Variants in ITPR3 observed in about 807,000 individuals in gnomAD.
The protein encoded by ITPR3 is inositol 1,4,5-trisphosphate receptor type 3.
A neutral mutation model predicts 293.2 loss-of-function variants in ITPR3; 173 were observed. That is an observed-to-expected ratio of 0.59 (90% CI 0.52 to 0.67). ITPR3 has a LOEUF of 0.67. Among genes scored for constraint, ITPR3 ranks in the 30% least tolerant of loss-of-function variants. The pLI is 0.00. For missense variants in ITPR3, 2,796 were observed against 3,592.1 expected (o/e 0.78, Z 5.66); for synonymous variants, 1,295 against 1,444.4 (o/e 0.90, Z 2.35).
rs757016087 is a variant in ITPR3 at position 33,695,788 on chromosome 6, C to T, written c.*8C>T. The T allele has an allele frequency of 1.3e-5, 21 of 1,613,742 alleles. No individual in the cohort carries two copies. The highest frequency in any genetic ancestry group is 1.8e-5 in the Non-Finnish European group (21 of 1,179,834). On this transcript the variant is annotated 3_prime_UTR_variant, in exon 58 of 58. Coordinates refer to ENST00000605930, the MANE Select transcript of ITPR3 (RefSeq NM_002224.4). Reference sequence around the variant, plus strand: ...AACTGCATTAGCCGCTGAGGAGAGCCACCGAAGGCCCCAACAGGGGATGCT... The same window carrying T: ...AACTGCATTAGCCGCTGAGGAGAGCTACCGAAGGCCCCAACAGGGGATGCT...
At position 33,696,194 on chromosome 6, in the gene ITPR3, C is replaced by T. The variant is rs945930498; in HGVS notation, c.*414C>T. ...GGGGGAGGTGGCAGTTATGCTGTTA[C>T]TAGTGATTTTAGGGCTTTGTTATTT... On this transcript the variant is annotated 3_prime_UTR_variant, in exon 58 of 58. Transcript: ENST00000605930. The T allele has an allele frequency of 9.5e-6, 2 of 210,200 alleles. No individual in the cohort carries two copies. Among genetic ancestry groups the T allele is most frequent in the African/African-American group, 4.6e-5 (2 of 43,104 alleles). The allele number at this position is 210,200 out of a possible 1,614,324, so 13.0% of individuals were successfully genotyped here. A position where few individuals can be genotyped will look rare whatever the true frequency, so the allele number is the denominator to read the frequency against.
chr6:33,678,387 G>T (rs1764968440), intron 28 of ITPR3, 34 bp from the exon 29 acceptor site: 10 of 1,605,202 alleles, frequency 6.2e-6, no homozygotes, highest in Non-Finnish European at 8.5e-6. Flanking sequence ...CTCCTTGGTG[G>T]GCCCAGCACC....
At chr6:33,676,274 G>A (rs981686450) in intron 25 of ITPR3, among the ~76,000 whole-genome samples, 2 of 152,194 alleles carry the variant, frequency 1.3e-5, no homozygotes, top group African/African-American at 2.4e-5. Context: ...TTGCATTATC[G>A]CATGGCATTC....
Position 33,683,099 on chromosome 6 carries a change from C to A in ITPR3, c.4598-108C>A, listed in dbSNP as rs2127302216. On this transcript the variant is annotated intron_variant, in intron 34 of 57. Coordinates refer to ENST00000605930, the MANE Select transcript of ITPR3 (RefSeq NM_002224.4). This position sits in a 1 kb window ranked among gnomAD's most constrained non-coding sequence, Gnocchi z 4.5. ...GGGGGGGGTCTCTGTCTCCCAGACC[C>A]TTGGTCTAGTTCACTCTGTCTCCTG... The A allele has an allele frequency of 1.2e-6, 1 of 805,450 alleles. No individual in the cohort carries two copies. The highest frequency in any genetic ancestry group is 2.3e-5 in the South Asian group (1 of 43,252). The allele number at this position is 805,450 out of a possible 1,614,324, so 49.9% of individuals were successfully genotyped here. A position where few individuals can be genotyped will look rare whatever the true frequency, so the allele number is the denominator to read the frequency against.
At chr6:33,642,900 C>T (rs1475929836) in intron 2 of ITPR3, among the ~76,000 whole-genome samples, 2 of 152,244 alleles carry the variant, frequency 1.3e-5, no homozygotes, top group African/African-American at 4.8e-5. Context: ...CCCCTCTGGA[C>T]TCCCTATGGC....
chr6:33,668,446 G>A (rs926103631), intron 16 of ITPR3, 69 bp from the exon 17 acceptor site: 2 of 1,600,478 alleles, frequency 1.2e-6, no homozygotes, highest in Non-Finnish European at 1.7e-6. Flanking sequence ...GAAGGGGAAG[G>A]GTGGGCTCTG....
chr6:33,690,878 C>G (rs1765369002), intron 51 of ITPR3, 39 bp from the exon 52 acceptor site: 1 of 1,590,754 alleles, frequency 6.3e-7, no homozygotes, highest in African/African-American at 1.3e-5. Context: ...CCGGCCCAGC[C>G]CCTCAAGGTG....
At chr6:33,676,275 C>T (rs1764904331) in intron 25 of ITPR3, among the ~76,000 whole-genome samples, 1 of 152,242 alleles carries the variant, frequency 6.6e-6, no homozygotes, top group South Asian at 2.1e-4. Context: ...TGCATTATCG[C>T]ATGGCATTCT....
intron 56 of ITPR3, among the ~76,000 whole-genome samples, 163 bp downstream of exon 56, chr6:33,693,868 G>C (rs1309607832): frequency 6.6e-6 from 1 of 152,232 alleles, no homozygotes; most frequent in Non-Finnish European, 1.5e-5. Flanking sequence ...AGAGGGGCTC[G>C]GACAGCTGCA....
rs779287424 is a variant in ITPR3 at position 33,664,991 on chromosome 6, G to T, written c.1248+22G>T. The T allele has an allele frequency of 1.2e-6, 2 of 1,612,884 alleles. No individual in the cohort carries two copies. The highest frequency in any genetic ancestry group is 1.1e-5 in the South Asian group (1 of 91,060). ...CATGGTGCGTGTCCCTGGGGTGGGG[G>T]TGGGGCTGGGGCCAGGGCCGGAGCT... On this transcript the variant is annotated intron_variant, in intron 12 of 57. Coordinates refer to ENST00000605930, the MANE Select transcript of ITPR3 (RefSeq NM_002224.4). This position sits in a 1 kb window ranked among gnomAD's most constrained non-coding sequence, Gnocchi z 4.4.
At position 33,693,629 on chromosome 6, in the gene ITPR3, A is replaced by G; in HGVS notation, c.7709A>G (p.Tyr2570Cys). 1.2e-6 allele frequency: 2 copies of G among 1,614,210 alleles called. No homozygotes were observed. The highest frequency in any genetic ancestry group is 8.5e-7 in the Non-Finnish European group (1 of 1,180,016). Reference protein sequence around the residue: ...KLEHNMWNYLYFIVLVRVKNK... With the variant: ...KLEHNMWNYLCFIVLVRVKNK... ...GAGCACAACATGTGGAACTACTTGTACTTCATTGTGCTGGTCCGCGTGAAG... is the reference window on the plus strand; with the variant it reads ...GAGCACAACATGTGGAACTACTTGTGCTTCATTGTGCTGGTCCGCGTGAAG... The change falls in exon 56 of 58, where the codon TAC becomes TGC. Residue 2570 changes from tyrosine to cysteine, a missense_variant. Transcript: ENST00000605930.
rs138158949 is a variant in ITPR3 at position 33,675,823 on chromosome 6, C to T, written c.3249C>T (p.Ser1083=). The T allele has an allele frequency of 1.3e-5, 20 of 1,587,104 alleles. No homozygotes were observed. Among genetic ancestry groups the T allele is most frequent in the Non-Finnish European group, 1.6e-5 (19 of 1,166,946 alleles). The part of the protein sequence containing the change: ...GALQLLFKHF[S]QRQEAMHTFK... The stretch of plus-strand genomic sequence containing the variant: ...TGCAGCTGCTCTTCAAGCACTTCAG[C>T]CAGCGCCAGGAGGCCATGCACACCT... Residue 1083 remains serine (S), a synonymous_variant, in exon 25 of 58, where the codon AGC becomes AGT. Coordinates refer to ENST00000605930, the MANE Select transcript of ITPR3 (RefSeq NM_002224.4). This position sits in a 1 kb window ranked among gnomAD's most constrained non-coding sequence, Gnocchi z 5.0.
intron 1 of ITPR3, among the ~76,000 whole-genome samples, chr6:33,625,724 T>C (rs552888472): frequency 1.3e-5 from 2 of 152,216 alleles, no homozygotes; most frequent in African/African-American, 4.8e-5. Flanking sequence ...TGGGTAATCA[T>C]AGTGAGTAGG....
chr6:33,690,876 G>T (rs1177754549), intron 51 of ITPR3, 41 bp from the exon 52 acceptor site: 1 of 1,587,934 alleles, frequency 6.3e-7, no homozygotes, highest in African/African-American at 1.3e-5. Context: ...GGCCGGCCCA[G>T]CCCCTCAAGG....
intron 1 of ITPR3, among the ~76,000 whole-genome samples, chr6:33,629,750 G>C (rs1279958431): frequency 6.6e-6 from 1 of 151,868 alleles, no homozygotes; most frequent in Non-Finnish European, 1.5e-5. Flanking sequence ...AAAGTGTTGG[G>C]ATTACAGGCG....
rs1291124069 is a variant in ITPR3 at position 33,632,394 on chromosome 6, TTCC to T, written c.90-8082_90-8080del. 6.6e-5 allele frequency among the ~76,000 whole-genome samples: 10 copies of T among 152,170 alleles called. No homozygotes were observed. The highest frequency in any genetic ancestry group is 6.5e-4 in the Admixed American group (10 of 15,274). On this transcript the variant is annotated intron_variant, in intron 1 of 57. Transcript: ENST00000605930. The surrounding 1 kb of genome is among the most constrained non-coding windows in gnomAD (Gnocchi z 4.1). ...CCTGCCCCACTTCTATCTAGCTCCC[TTCC>T]TCCTCCTTATCTAATCTTTCCAGAC... is the stretch of plus-strand genomic sequence containing the variant.
chr6:33,694,946 C>T lies in ITPR3; in HGVS notation c.7808C>T (p.Pro2603Leu), dbSNP rs750669412. 1 of 1,614,128 alleles carries T rather than the reference C, an allele frequency of 6.2e-7. No individual in the cohort carries two copies. The highest frequency in any genetic ancestry group is 8.5e-7 in the Non-Finnish European group (1 of 1,180,022). The change falls in exon 57 of 58, where the codon CCC becomes CTC. Residue 2603 changes from proline (P) to leucine (L), a missense_variant. Transcript: ENST00000605930. The part of the protein sequence containing the change: ...MIKNKNLDWF[P>L]RMRAMSLVSN... Reference sequence around the variant, plus strand: ...CAGAACAAGAACCTGGACTGGTTCCCCCGGATGCGGGCCATGTCCCTTGTC... The same window carrying T: ...CAGAACAAGAACCTGGACTGGTTCCTCCGGATGCGGGCCATGTCCCTTGTC...
intron 16 of ITPR3, 114 bp downstream of exon 16, chr6:33,668,078 G>A (rs187836891): frequency 1.8e-5 from 21 of 1,139,010 alleles, no homozygotes; most frequent in African/African-American, 1.8e-4. Flanking sequence ...CTGCCACCCT[G>A]AATAGCACTG....
chr6:33,656,602 G>T (rs888396874), intron 3 of ITPR3, among the ~76,000 whole-genome samples: 1 of 152,176 alleles, frequency 6.6e-6, no homozygotes, highest in Admixed American at 6.5e-5. Context: ...CATGTGGATC[G>T]TGCCATGATG....
Sources: allele counts gnomAD v4.1 joint callset (sites outside exome capture counted in the v4.1 genomes callset), GRCh38; gene constraint gnomAD v4.1.1; non-coding constraint Gnocchi (gnomAD v3.1); transcripts MANE v1.5; gene names NCBI Gene and HGNC (gene_info 2026-07-23, HGNC 2026-07-21).